A1CF: variants seen among roughly 807,000 people sequenced by gnomAD.
The protein encoded by A1CF is APOBEC-1 stimulating protein.
In A1CF, 48 loss-of-function variants were observed where a neutral mutation model predicts 68.9. That is an observed-to-expected ratio of 0.70 (90% confidence interval 0.55 to 0.89). The LOEUF (loss-of-function observed/expected upper bound fraction) is 0.89, where lower values mean the gene tolerates loss of function less well. Ranked by LOEUF, A1CF falls within the 40% of genes least tolerant of loss-of-function variation. The probability of loss-of-function intolerance (pLI) is 0.00; values close to 1 mark genes in which losing one functional copy is unlikely to be tolerated. For synonymous variants in A1CF, 272 were observed against 260.4 expected, an observed-to-expected ratio of 1.04 and a Z score of -0.43; for missense variants, 653 against 718.9, an observed-to-expected ratio of 0.91 and a Z score of 1.05.
chr10:50,806,762 C>G lies in A1CF; in HGVS notation c.1728G>C (p.Val576=), dbSNP rs764425591. ...TGCCATATCCATCCCCTCGGGCAGT[C>G]ACTGCAAAAGTTGGGTAGACCTCAT... ...TTYEVYPTFA[V]TARGDGYGTF Residue 576 remains valine (V), a synonymous_variant, in exon 13 of 13, where the codon GTG becomes GTC. Coordinates refer to ENST00000373997, the MANE Select transcript of A1CF (RefSeq NM_014576.4). 12 of 1,610,200 alleles carry G rather than the reference C, an allele frequency of 7.5e-6. No homozygotes were observed. Among genetic ancestry groups the G allele is most frequent in the Admixed American group, 5.0e-5 (3 of 59,508 alleles).
chr10:50,849,857 A>C (rs1196269056), intron 3 of A1CF, among the ~76,000 whole-genome samples: 1 of 130,888 alleles, frequency 7.6e-6, no homozygotes, highest in African/African-American at 2.8e-5. Flanking sequence ...GCAGTGGCGC[A>C]ATCTCAGCTC....
At chr10:50,843,137 C>T (rs1041637700) in intron 4 of A1CF, among the ~76,000 whole-genome samples, 1 of 152,196 alleles carries the variant, frequency 6.6e-6, no homozygotes, top group Non-Finnish European at 1.5e-5. Context: ...CCCACCCTCA[C>T]GTATTCAGTA....
chr10:50,837,627 T>C (rs1360508544), intron 5 of A1CF, among the ~76,000 whole-genome samples: 1 of 152,232 alleles, frequency 6.6e-6, no homozygotes, highest in African/African-American at 2.4e-5. Context: ...CATTGCATAC[T>C]GTAGTACGTT....
intron 1 of A1CF, among the ~76,000 whole-genome samples, chr10:50,882,689 G>A (rs1202091243): frequency 6.6e-6 from 1 of 152,092 alleles, no homozygotes; most frequent in Non-Finnish European, 1.5e-5. Flanking sequence ...CACTTTGCAG[G>A]AGCCTGGTTA....
chr10:50,815,481 TG>T (rs956859536), intron 9 of A1CF, among the ~76,000 whole-genome samples: 1 of 152,206 alleles, frequency 6.6e-6, no homozygotes, highest in African/African-American at 2.4e-5. Flanking sequence ...ACATATTTCC[TG>T]GAGGAGGTCA....
intron 1 of A1CF, among the ~76,000 whole-genome samples, chr10:50,878,914 A>T (rs1841645957): frequency 6.6e-6 from 1 of 152,168 alleles, no homozygotes; most frequent in South Asian, 2.1e-4. Flanking sequence ...AGATCAGACA[A>T]ATACCTGCTA....
chr10:50,859,928 G>T lies in A1CF; in HGVS notation c.13C>A (p.His5Asn). The T allele has an allele frequency of 1.2e-6, 2 of 1,613,900 alleles. No homozygotes were observed. Among genetic ancestry groups the T allele is most frequent in the South Asian group, 2.2e-5 (2 of 91,078 alleles). MESN[H>N]KSGDGLSGTQ... ...CCGCTCAATCCATCCCCGGATTTGT[G>T]ATTTGATTCCATTGAGAGTGATTAT... The change falls in exon 3 of 13, where the codon CAC (histidine) becomes AAC (asparagine). Residue 5 changes from histidine (H) to asparagine (N), a missense_variant. Transcript: ENST00000373997.
At chr10:50,811,230 C>T (rs1407732928) in intron 10 of A1CF, 54 bp from the exon 11 acceptor site, 3 of 1,542,516 alleles carry the variant, frequency 1.9e-6, no homozygotes, top group Non-Finnish European at 2.6e-6. Context: ...CACATTATTT[C>T]CCAAGTTTTC....
At chr10:50,835,374 G>A (rs2132424942) in intron 6 of A1CF, among the ~76,000 whole-genome samples, 1 of 152,192 alleles carries the variant, frequency 6.6e-6, no homozygotes, top group South Asian at 2.1e-4. Flanking sequence ...AGTGTGTCCA[G>A]TCTGTCATTT....
chr10:50,815,890 A>G (rs1838342201), intron 9 of A1CF, 116 bp downstream of exon 9: 5 of 1,238,702 alleles, frequency 4.0e-6, no homozygotes, highest in Non-Finnish European at 5.6e-6. Context: ...GATTTTTAAT[A>G]AACAATTTTT....
At chr10:50,813,054 G>C (rs968516453) in intron 10 of A1CF, among the ~76,000 whole-genome samples, 8 of 152,148 alleles carry the variant, frequency 5.3e-5, no homozygotes, top group Admixed American at 5.2e-4. Context: ...GCCCACCTTT[G>C]TCATGGGAAT....
intron 8 of A1CF, among the ~76,000 whole-genome samples, chr10:50,819,475 T>A (rs1178631149): frequency 6.6e-6 from 1 of 152,200 alleles, no homozygotes; most frequent in Non-Finnish European, 1.5e-5. Context: ...TCAGGATTTC[T>A]ATTAATTCTC....
rs1214310297 is a variant in A1CF at position 50,804,461 on chromosome 10, G to C, written c.*2268C>G. On this transcript the variant is annotated 3_prime_UTR_variant, in exon 13 of 13. Transcript: ENST00000373997. ...TTTGCAAAGATTTTAAGGAAAATCA[G>C]AACTTTTGCTCCTAGAATTTGGAAT... The C allele has an allele frequency of 6.6e-6, 1 of 152,116 alleles. No homozygotes were observed. The highest frequency in any genetic ancestry group is 1.5e-5 in the Non-Finnish European group (1 of 67,990). 9.4% of individuals were successfully genotyped at this position (152,116 alleles called of 1,614,324 possible). A position where few individuals can be genotyped will look rare whatever the true frequency, so the allele number is the denominator to read the frequency against.
At chr10:50,845,734 G>C (rs1265905330) in intron 3 of A1CF, among the ~76,000 whole-genome samples, 2 of 152,022 alleles carry the variant, frequency 1.3e-5, no homozygotes, top group Non-Finnish European at 2.9e-5. Context: ...TGGGTGGATG[G>C]CTTGAGTCTA....
intron 3 of A1CF, 105 bp from the exon 4 acceptor site, chr10:50,844,227 A>G (rs1839900643): frequency 1.3e-6 from 2 of 1,486,842 alleles, no homozygotes; most frequent in African/African-American, 2.8e-5. Context: ...GAATGTATTT[A>G]TCATTGACAA....
At chr10:50,821,250 A>C (rs1838656806) in intron 7 of A1CF, among the ~76,000 whole-genome samples, 1 of 152,192 alleles carries the variant, frequency 6.6e-6, no homozygotes, top group Non-Finnish European at 1.5e-5. Flanking sequence ...TTCCGAAAGA[A>C]CATCTGGGAA....
chr10:50,842,304 C>T (rs1564515801), intron 4 of A1CF, among the ~76,000 whole-genome samples: 2 of 152,176 alleles, frequency 1.3e-5, no homozygotes, highest in African/African-American at 2.4e-5. Flanking sequence ...TCTGGAACAT[C>T]TTAGAGACAT....
intron 10 of A1CF, 79 bp from the exon 11 acceptor site, chr10:50,811,255 T>TATA: frequency 1.4e-6 from 2 of 1,421,736 alleles, no homozygotes; most frequent in Non-Finnish European, 1.9e-6. Flanking sequence ...TTTTAAACTC[T>TATA]AATTTTCAGA....
intron 8 of A1CF, among the ~76,000 whole-genome samples, chr10:50,816,679 A>G (rs1246259990): frequency 1.3e-5 from 2 of 152,216 alleles, no homozygotes; most frequent in Admixed American, 6.5e-5. Context: ...AATCTCCATT[A>G]CCTTGCACAA....
Sources: gnomAD v4.1 joint callset for allele counts (sites outside exome capture counted in the v4.1 genomes callset) on GRCh38, gnomAD v4.1.1 for gene constraint, MANE v1.5 for transcripts, NCBI Gene and HGNC (gene_info 2026-07-23, HGNC 2026-07-21) for gene names.